Variants in STXBP5L observed in about 807,000 individuals in gnomAD.
The protein encoded by STXBP5L is syntaxin-binding protein 5-like.
Under a neutral mutation model 144.5 loss-of-function variants are expected in STXBP5L, and 65 were observed. That is an observed-to-expected ratio of 0.45 (90% CI 0.37 to 0.55). The LOEUF (loss-of-function observed/expected upper bound fraction) is 0.55. Among genes scored for constraint, STXBP5L ranks in the 20% least tolerant of loss-of-function variants. The probability of loss-of-function intolerance (pLI) is 0.00; values close to 1 mark genes in which losing one functional copy is unlikely to be tolerated. For synonymous variants in STXBP5L, 505 were observed against 469.6 expected (o/e 1.08, Z -0.97); for missense variants, 1,298 against 1,405.5 (o/e 0.92, Z 1.22).
intron 3 of STXBP5L, among the ~76,000 whole-genome samples, chr3:121,018,782 G>A (rs939550989): frequency 1.3e-5 from 2 of 152,148 alleles, no homozygotes; most frequent in Admixed American, 6.5e-5. Context: ...CTACCACTTG[G>A]ATGGACAGAA....
At chr3:121,001,209 G>T (rs145795347) in intron 3 of STXBP5L, among the ~76,000 whole-genome samples, 77 of 152,312 alleles carry the variant, frequency 5.1e-4, no homozygotes, top group African/African-American at 1.7e-3. Context: ...ATGCATGCTG[G>T]CAAGGCCCAT....
At chr3:121,323,371 G>A (rs1250101593) in intron 20 of STXBP5L, among the ~76,000 whole-genome samples, 1 of 152,124 alleles carries the variant, frequency 6.6e-6, no homozygotes, top group East Asian at 1.9e-4. Flanking sequence ...TTTGTGTATA[G>A]TGAAAGATTA....
In STXBP5L at chr3:120,934,686, T is replaced by C. The variant is rs114776599; in HGVS notation, c.190-20254T>C. On this transcript the variant is annotated intron_variant, in intron 2 of 26. Transcript: ENST00000471454. ...TTTTGATGCTCTATTGTTAGACACA[T>C]AGACATTAAGGATTCTTATTTCCTC... Among the ~76,000 whole-genome samples, 633 of 152,198 alleles carry C rather than the reference T, an allele frequency of 4.2e-3. 2 individuals are homozygous for C. The highest frequency in any genetic ancestry group is 0.014 in the African/African-American group (595 of 41,578).
chr3:121,393,044 A>G (rs981274443), intron 22 of STXBP5L, among the ~76,000 whole-genome samples: 1 of 151,924 alleles, frequency 6.6e-6, no homozygotes. Flanking sequence ...ACTAATTCCC[A>G]CCAATACTGT....
chr3:121,353,636 C>T (rs182838378), intron 20 of STXBP5L, among the ~76,000 whole-genome samples: 8 of 152,198 alleles, frequency 5.3e-5, no homozygotes, highest in East Asian at 1.9e-4. Context: ...AAAACCAGCT[C>T]CTGGATTCAT....
At chr3:121,319,051 G>A (rs2043882881) in intron 20 of STXBP5L, among the ~76,000 whole-genome samples, 1 of 152,036 alleles carries the variant, frequency 6.6e-6, no homozygotes, top group South Asian at 2.1e-4. Context: ...TAAAATGTGA[G>A]AATAAAGATT....
At chr3:121,083,775 A>G (rs1273072948) in intron 5 of STXBP5L, among the ~76,000 whole-genome samples, 1 of 152,122 alleles carries the variant, frequency 6.6e-6, no homozygotes, top group Non-Finnish European at 1.5e-5. Context: ...TATAAATTCA[A>G]TTTTCTTAGT....
chr3:121,044,353 T>C (rs1256234750), intron 4 of STXBP5L, among the ~76,000 whole-genome samples: 1 of 152,176 alleles, frequency 6.6e-6, no homozygotes, highest in Non-Finnish European at 1.5e-5. Flanking sequence ...GAAATTATTA[T>C]AGAAGGGCAT....
chr3:121,212,811 G>T (rs2048629471), intron 10 of STXBP5L, among the ~76,000 whole-genome samples: 1 of 152,138 alleles, frequency 6.6e-6, no homozygotes, highest in African/African-American at 2.4e-5. Context: ...GAGCAGTGTG[G>T]CCATTTTCGT....
chr3:121,158,503 C>T (rs1037291112), intron 9 of STXBP5L: 7 of 152,116 alleles, frequency 4.6e-5, no homozygotes, highest in Admixed American at 2.6e-4. Context: ...TAGTTACATG[C>T]TCCATCAGTA....
chr3:121,038,029 C>G (rs1946880447), intron 3 of STXBP5L, among the ~76,000 whole-genome samples: 1 of 151,884 alleles, frequency 6.6e-6, no homozygotes, highest in East Asian at 1.9e-4. Flanking sequence ...AATGTGTGTA[C>G]TTTCTTTTTA....
intron 3 of STXBP5L, among the ~76,000 whole-genome samples, chr3:120,958,580 G>A (rs75232158): frequency 2.6e-5 from 4 of 151,402 alleles, no homozygotes; most frequent in Admixed American, 2.0e-4. Context: ...TTCATCCCTG[G>A]GATGCAAGTC....
rs560687041 is a variant in STXBP5L, at chr3:121,261,936, G to C, written c.1958+2768G>C. ...TTATTGCTCACAGTTCTGGAGGCTA[G>C]AAAGTCCAAAATCAAGGTCTCAGGA... On this transcript the variant is annotated intron_variant, in intron 18 of 26. Coordinates refer to ENST00000471454, the MANE Select transcript of STXBP5L (RefSeq NM_001308330.2). Among the ~76,000 whole-genome samples the C allele has an allele frequency of 5.3e-5, 8 of 152,294 alleles. 1 individual carries two copies. In the South Asian group the frequency reaches 1.5e-3, roughly 28 times the overall value.
At chr3:121,203,071 GTT>G (rs35703773) in intron 9 of STXBP5L, among the ~76,000 whole-genome samples, 5 of 143,238 alleles carry the variant, frequency 3.5e-5, no homozygotes, top group Admixed American at 1.4e-4. Flanking sequence ...CTTTTTTTCT[GTT>G]TTTTTTTTCT....
chr3:121,285,698 A>G (rs1383868290), intron 19 of STXBP5L, among the ~76,000 whole-genome samples: 3 of 152,120 alleles, frequency 2.0e-5, no homozygotes, highest in Non-Finnish European at 4.4e-5. Flanking sequence ...CAGAAGATTT[A>G]CATTGTTTTA....
chr3:121,157,048 G>A (rs1277004142), intron 8 of STXBP5L, among the ~76,000 whole-genome samples: 3 of 151,968 alleles, frequency 2.0e-5, no homozygotes, highest in Middle Eastern at 3.2e-3. Flanking sequence ...AACCTTTCTT[G>A]CTTTAAATTG....
chr3:121,329,073 AT>A (rs1461214903), intron 20 of STXBP5L, among the ~76,000 whole-genome samples: 1 of 152,058 alleles, frequency 6.6e-6, no homozygotes, highest in East Asian at 1.9e-4. Context: ...TATAATGTAC[AT>A]TTGTATCTGT....
intron 9 of STXBP5L, among the ~76,000 whole-genome samples, chr3:121,180,177 G>A (rs930750266): frequency 2.0e-5 from 3 of 152,162 alleles, no homozygotes; most frequent in Admixed American, 2.0e-4. Context: ...AATCTTGAGA[G>A]CTGTGAGACA....
At chr3:121,094,286 G>C (rs1276561134) in intron 5 of STXBP5L, among the ~76,000 whole-genome samples, 1 of 152,140 alleles carries the variant, frequency 6.6e-6, no homozygotes, top group Admixed American at 6.5e-5. Flanking sequence ...TGTCTATTAG[G>C]TCCGCTTGGT....
Sources: allele counts gnomAD v4.1 joint callset (sites outside exome capture counted in the v4.1 genomes callset), GRCh38; gene constraint gnomAD v4.1.1; transcripts MANE v1.5; gene names NCBI Gene and HGNC (gene_info 2026-07-23, HGNC 2026-07-21).